Variants in SYT1 observed in about 807,000 individuals in gnomAD.
SYT1 encodes the protein synaptotagmin 1.
In SYT1, 8 loss-of-function variants were observed where a neutral mutation model predicts 44.8. The observed-to-expected ratio is 0.18, with a 90% CI of 0.10 to 0.32. The LOEUF is 0.32. Ranked by LOEUF, SYT1 falls within the 10% of genes least tolerant of loss-of-function variation. The probability of loss-of-function intolerance (pLI) is 1.00; values close to 1 mark genes in which losing one functional copy is unlikely to be tolerated. For missense variants in SYT1, 286 were observed against 509.3 expected, an observed-to-expected ratio of 0.56 and a Z score of 4.22; for synonymous variants, 154 against 188.8, an observed-to-expected ratio of 0.82 and a Z score of 1.51.
At chr12:79,246,369 C>T (rs1217882065) in intron 4 of SYT1, among the ~76,000 whole-genome samples, 1 of 152,150 alleles carries the variant, frequency 6.6e-6, no homozygotes, top group Non-Finnish European at 1.5e-5. Flanking sequence ...CATTCCAGTT[C>T]TTCTCTTCTT....
At chr12:78,950,998 A>G (rs1878935643) in intron 1 of SYT1, among the ~76,000 whole-genome samples, 1 of 151,958 alleles carries the variant, frequency 6.6e-6, no homozygotes, top group Non-Finnish European at 1.5e-5. Context: ...CAAAAATAAA[A>G]TTTTCCCATC....
intron 1 of SYT1, among the ~76,000 whole-genome samples, chr12:78,961,496 C>T (rs139911650): frequency 7.8e-4 from 118 of 152,186 alleles, no homozygotes; most frequent in African/African-American, 2.6e-3. Context: ...CAATTGGCTG[C>T]TTTCATGTCT....
At chr12:79,398,309 C>T (rs1884947393) in intron 9 of SYT1, among the ~76,000 whole-genome samples, 1 of 152,178 alleles carries the variant, frequency 6.6e-6, no homozygotes, top group African/African-American at 2.4e-5. Context: ...CAGTAGTTAT[C>T]TCATATTTAA....
chr12:79,168,487 T>C (rs1442668067), intron 3 of SYT1, among the ~76,000 whole-genome samples: 1 of 152,084 alleles, frequency 6.6e-6, no homozygotes, highest in Non-Finnish European at 1.5e-5. Flanking sequence ...AACTTAACTA[T>C]TCTCTTTCAC....
At chr12:79,235,738 A>G (rs1526965) in intron 4 of SYT1, among the ~76,000 whole-genome samples, 66 of 151,630 alleles carry the variant, frequency 4.4e-4, no homozygotes, top group African/African-American at 1.5e-3. Context: ...AATATTTTTA[A>G]TAGACACTAA....
At chr12:78,980,739 CG>C (rs1789428913) in intron 2 of SYT1, among the ~76,000 whole-genome samples, 1 of 151,904 alleles carries the variant, frequency 6.6e-6, no homozygotes. Flanking sequence ...ACTATATGAT[CG>C]TCAAAATTAA....
chr12:79,000,288 C>CTTTTTTTT (rs559894598), intron 2 of SYT1, among the ~76,000 whole-genome samples: 8 of 112,926 alleles, frequency 7.1e-5, no homozygotes, highest in Admixed American at 1.9e-4. Flanking sequence ...TTAACTGCTT[C>CTTTTTTTT]TTTTTTTTTT....
intron 3 of SYT1, among the ~76,000 whole-genome samples, chr12:79,164,869 T>C (rs1871146418): frequency 6.6e-6 from 1 of 152,024 alleles, no homozygotes; most frequent in African/African-American, 2.4e-5. Context: ...AAATTTCTGT[T>C]GAGGGAGATT....
At chr12:78,896,156 C>G (rs1001834373) in intron 1 of SYT1, among the ~76,000 whole-genome samples, 1 of 151,716 alleles carries the variant, frequency 6.6e-6, no homozygotes, top group Admixed American at 6.6e-5. Context: ...TTTCTTTTCT[C>G]TAAGCATTTA....
chr12:79,028,813 G>A (rs530916032), intron 2 of SYT1, among the ~76,000 whole-genome samples: 31 of 151,312 alleles, frequency 2.0e-4, no homozygotes, highest in East Asian at 1.8e-3. Flanking sequence ...ATTTTATGCC[G>A]TTCCATAAGT....
chr12:79,358,311 C>T (rs750938237), intron 9 of SYT1, among the ~76,000 whole-genome samples: 4 of 152,174 alleles, frequency 2.6e-5, no homozygotes, highest in South Asian at 2.1e-4. Context: ...TGATCTATTC[C>T]GTAGAAATTC....
chr12:78,955,131 C>T (rs994187618), intron 1 of SYT1, among the ~76,000 whole-genome samples: 3 of 151,952 alleles, frequency 2.0e-5, no homozygotes, highest in South Asian at 4.1e-4. Flanking sequence ...TCATTAATGC[C>T]GTTTCATTTT....
intron 3 of SYT1, among the ~76,000 whole-genome samples, chr12:79,092,345 T>A (rs1877835519): frequency 6.6e-6 from 1 of 151,798 alleles, no homozygotes; most frequent in African/African-American, 2.4e-5. Context: ...AGAGAATAGA[T>A]TCTTCTTAAA....
At chr12:78,911,985 A>G (rs921629182) in intron 1 of SYT1, among the ~76,000 whole-genome samples, 7 of 152,002 alleles carry the variant, frequency 4.6e-5, no homozygotes, top group African/African-American at 1.7e-4. Flanking sequence ...CTCAAAGTCC[A>G]ACATAATTGA....
intron 3 of SYT1, among the ~76,000 whole-genome samples, chr12:79,092,761 C>T (rs1877865891): frequency 6.6e-6 from 1 of 151,596 alleles, no homozygotes; most frequent in Non-Finnish European, 1.5e-5. Flanking sequence ...CTATAAATTT[C>T]ATTGAAGAAA....
chr12:79,242,770 G>A (rs770862102), intron 4 of SYT1, among the ~76,000 whole-genome samples: 2 of 152,138 alleles, frequency 1.3e-5, no homozygotes, highest in Non-Finnish European at 2.9e-5. Flanking sequence ...GCCAGTGGAA[G>A]ACTGTGTGTT....
intron 2 of SYT1, among the ~76,000 whole-genome samples, chr12:78,980,783 T>C (rs1042422461): frequency 6.6e-6 from 1 of 152,140 alleles, no homozygotes; most frequent in Admixed American, 6.6e-5. Flanking sequence ...CATTATATAT[T>C]TACTTTGAAT....
chr12:79,290,401 G>T (rs990718272), intron 5 of SYT1, among the ~76,000 whole-genome samples: 11 of 152,180 alleles, frequency 7.2e-5, no homozygotes, highest in Non-Finnish European at 1.5e-4. Flanking sequence ...TGGGTGGATT[G>T]AACAGAGAAT....
intron 4 of SYT1, among the ~76,000 whole-genome samples, chr12:79,237,497 G>A (rs1391301375): frequency 6.6e-6 from 1 of 152,154 alleles, no homozygotes; most frequent in African/African-American, 2.4e-5. Flanking sequence ...TAGAACAGCA[G>A]TGTGTCATGG....
Sources: allele counts gnomAD v4.1 joint callset (sites outside exome capture counted in the v4.1 genomes callset), GRCh38; gene constraint gnomAD v4.1.1; transcripts MANE v1.5; gene names NCBI Gene and HGNC (gene_info 2026-07-23, HGNC 2026-07-21).